METAP1: variants seen among roughly 807,000 people sequenced by gnomAD.
METAP1 encodes the protein methionyl aminopeptidase 1, also known as methionine aminopeptidase 1.
METAP1 carries 28 observed loss-of-function variants against 53.8 expected under a neutral mutation model. The ratio of observed to expected loss-of-function variants is 0.52; its 90% CI spans 0.39 to 0.71. The LOEUF (loss-of-function observed/expected upper bound fraction) is 0.71. METAP1 is among the 30% of genes least tolerant of loss of function. METAP1 has a pLI of 0.00. For synonymous variants in METAP1, 181 were observed against 165.7 expected, an observed-to-expected ratio of 1.09 and a Z score of -0.71; for missense variants, 389 against 479.8, an observed-to-expected ratio of 0.81 and a Z score of 1.77.
At chr4:99,047,697 A>T (rs62325199) in intron 8 of METAP1, among the ~76,000 whole-genome samples, 5,303 of 152,272 alleles carry the variant, frequency 0.035, 113 homozygotes, top group African/African-American at 0.051. Flanking sequence ...GTAGGAGAGT[A>T]GAGAGAGTTA....
intron 5 of METAP1, 73 bp downstream of exon 5, chr4:99,039,538 G>T: frequency 1.2e-6 from 1 of 828,238 alleles, no homozygotes; most frequent in Non-Finnish European, 2.0e-6. Context: ...GTGGTTTGCT[G>T]ATTTATAAAG....
intron 9 of METAP1, among the ~76,000 whole-genome samples, chr4:99,049,131 C>G (rs1257976518): frequency 6.6e-6 from 1 of 152,178 alleles, no homozygotes. Context: ...CATCTTTGAC[C>G]TATGGCTTTC....
chr4:99,000,542 A>G (rs1722865705), intron 1 of METAP1, among the ~76,000 whole-genome samples: 1 of 152,216 alleles, frequency 6.6e-6, no homozygotes. Context: ...AGGAAGGCTT[A>G]AAAATCTTTG....
At chr4:99,023,740 C>G in intron 1 of METAP1, 2 of 985,340 alleles carry the variant, frequency 2.0e-6, no homozygotes, top group Non-Finnish European at 2.4e-6. Context: ...TCAGTGGGGC[C>G]TAAAATAAGG....
chr4:99,007,761 T>A (rs7690818), intron 1 of METAP1, among the ~76,000 whole-genome samples: 72,117 of 152,028 alleles, frequency 0.47, 18,528 homozygotes, highest in South Asian at 0.67. Flanking sequence ...ATTAGTGTTA[T>A]CACCTTTAAA....
intron 9 of METAP1, among the ~76,000 whole-genome samples, 180 bp from the exon 10 acceptor site, chr4:99,057,573 G>A (rs931508477): frequency 6.6e-6 from 1 of 152,010 alleles, no homozygotes. Flanking sequence ...AGGACAATAC[G>A]TGCACCATAT....
chr4:99,029,379 TTTAA>T (rs1292280083), intron 2 of METAP1, among the ~76,000 whole-genome samples: 10 of 152,216 alleles, frequency 6.6e-5, no homozygotes, highest in Admixed American at 1.3e-4. Context: ...CAGTCTTATG[TTTAA>T]TTTTCTTTTT....
intron 10 of METAP1, among the ~76,000 whole-genome samples, chr4:99,060,682 A>G (rs1201325470): frequency 1.3e-5 from 2 of 151,900 alleles, no homozygotes; most frequent in Non-Finnish European, 2.9e-5. Flanking sequence ...CTTTTTTATG[A>G]CTGGCTTATT....
intron 9 of METAP1, among the ~76,000 whole-genome samples, chr4:99,051,476 G>A (rs1361201053): frequency 3.3e-5 from 5 of 151,844 alleles, no homozygotes; most frequent in African/African-American, 9.7e-5. Context: ...CTGGAACCTT[G>A]ACCTCCGAGA....
chr4:99,015,142 C>T (rs1723683045), intron 1 of METAP1, among the ~76,000 whole-genome samples: 1 of 152,210 alleles, frequency 6.6e-6, no homozygotes, highest in East Asian at 1.9e-4. Flanking sequence ...GTGTAACAGT[C>T]GCTTTTGTTT....
intron 2 of METAP1, among the ~76,000 whole-genome samples, chr4:99,032,469 C>G (rs1725114252): frequency 6.6e-6 from 1 of 152,084 alleles, no homozygotes; most frequent in Non-Finnish European, 1.5e-5. Flanking sequence ...TGAGCTCAAG[C>G]AGTCCACCTG....
intron 1 of METAP1, among the ~76,000 whole-genome samples, chr4:99,005,443 T>G (rs1723130341): frequency 6.6e-6 from 1 of 152,144 alleles, no homozygotes; most frequent in South Asian, 2.1e-4. Flanking sequence ...ACCACCTTAC[T>G]CCAGCCAGAA....
chr4:99,005,619 A>G (rs1208384102), intron 1 of METAP1: 7 of 246,456 alleles, frequency 2.8e-5, no homozygotes, highest in African/African-American at 4.6e-5. Flanking sequence ...ACACCTGTAT[A>G]TGTATGTTTA....
intron 1 of METAP1, among the ~76,000 whole-genome samples, chr4:99,001,459 A>T (rs1281757312): frequency 6.6e-6 from 1 of 152,218 alleles, no homozygotes; most frequent in Admixed American, 6.5e-5. Context: ...TCTTAAGAAC[A>T]TATTTGCGTA....
Position 99,028,899 on chromosome 4 carries a change from G to A in METAP1, c.147G>A (p.Lys49=), listed in dbSNP as rs1724781151. 1.9e-6 allele frequency: 3 copies of A among 1,545,572 alleles called. No homozygotes were observed. ...TTAAAGGAAGTTGGGCTACTCACAA[G>A]TTACTACATAAGAAAGCAAGTAAGT... is the stretch of plus-strand genomic sequence containing the variant. The part of the protein sequence containing the change: ...ECFKGSWATH[K]LLHKKAKDEK... Residue 49 remains lysine, a synonymous_variant, in exon 2 of 11, where the codon AAG becomes AAA. Coordinates refer to ENST00000296411, the MANE Select transcript of METAP1 (RefSeq NM_015143.3).
At chr4:99,031,592 G>A (rs1579289755) in intron 2 of METAP1, 1 of 1,285,624 alleles carries the variant, frequency 7.8e-7, no homozygotes, top group South Asian at 1.2e-5. Context: ...CCAAGATGCT[G>A]GAATCATAGG....
intron 9 of METAP1, among the ~76,000 whole-genome samples, chr4:99,050,103 G>C (rs1033371324): frequency 2.0e-5 from 3 of 152,174 alleles, no homozygotes; most frequent in Non-Finnish European, 4.4e-5. Flanking sequence ...AAGAAATTTG[G>C]TGCAGGGGGC....
At chr4:99,052,972 T>G (rs1191954879) in intron 9 of METAP1, among the ~76,000 whole-genome samples, 1 of 152,170 alleles carries the variant, frequency 6.6e-6, no homozygotes, top group Non-Finnish European at 1.5e-5. Context: ...AGAAACTACT[T>G]TCTTTGTTTA....
chr4:99,013,720 G>A (rs1723599937), intron 1 of METAP1, among the ~76,000 whole-genome samples: 1 of 152,166 alleles, frequency 6.6e-6, no homozygotes, highest in Non-Finnish European at 1.5e-5. Flanking sequence ...ACAAAGAAAA[G>A]AGGAAGTTAG....
Sources: gnomAD v4.1 joint callset for allele counts (sites outside exome capture counted in the v4.1 genomes callset) on GRCh38, gnomAD v4.1.1 for gene constraint, MANE v1.5 for transcripts, NCBI Gene and HGNC (gene_info 2026-07-23, HGNC 2026-07-21) for gene names.